ME3: variants seen among roughly 807,000 people sequenced by gnomAD.
The protein encoded by ME3 is malic enzyme 3, also known as NADP-dependent malic enzyme, mitochondrial.
Under a neutral mutation model 68.9 loss-of-function variants are expected in ME3, and 48 were observed. That is an observed-to-expected ratio of 0.70 (90% CI 0.55 to 0.89). The LOEUF (loss-of-function observed/expected upper bound fraction) is 0.89, where lower values mean the gene tolerates loss of function less well. ME3 is among the 40% of genes least tolerant of loss of function. The probability of loss-of-function intolerance (pLI) is 0.00; values close to 1 mark genes in which losing one functional copy is unlikely to be tolerated. For missense variants in ME3, 675 were observed against 797.4 expected (o/e 0.85, Z 1.85); for synonymous variants, 320 against 318.8 (o/e 1.00, Z -0.04).
In ME3 at chr11:86,660,302, G is replaced by C. The variant is rs141644108; in HGVS notation, c.183+11460C>G. On this transcript the variant is annotated intron_variant, in intron 2 of 14. Transcript: ENST00000543262. ...TGCTTTCAGGGGGCATGTACCAGAT[G>C]TAAACTCTATCACATCTGTGACTTC... Among the ~76,000 whole-genome samples the C allele has an allele frequency of 8.8e-3, 1,336 of 152,314 alleles. 25 individuals carry two copies. Among genetic ancestry groups the C allele is most frequent in the African/African-American group, 0.03 (1,249 of 41,558 alleles).
At chr11:86,647,902 G>A (rs1210233601) in intron 2 of ME3, among the ~76,000 whole-genome samples, 2 of 152,178 alleles carry the variant, frequency 1.3e-5, no homozygotes, top group East Asian at 3.8e-4. Flanking sequence ...TCTGCACCAA[G>A]TGGAGCTAAT....
At chr11:86,614,596 G>T (rs1365918927) in intron 2 of ME3, among the ~76,000 whole-genome samples, 1 of 152,040 alleles carries the variant, frequency 6.6e-6, no homozygotes, top group Non-Finnish European at 1.5e-5. Context: ...AAATTCCCAG[G>T]GTGGTGCCTT....
intron 2 of ME3, among the ~76,000 whole-genome samples, chr11:86,617,205 T>TA (rs150059307): frequency 0.069 from 10,464 of 151,454 alleles, 438 homozygotes; most frequent in East Asian, 0.14. Flanking sequence ...AGTATATACA[T>TA]AAAAAATTAC....
chr11:86,514,939 G>C (rs572250744), intron 4 of ME3, among the ~76,000 whole-genome samples: 4 of 152,172 alleles, frequency 2.6e-5, no homozygotes, highest in Admixed American at 1.3e-4. Flanking sequence ...TTGGCTCATA[G>C]TAAGTATTTG....
intron 2 of ME3, among the ~76,000 whole-genome samples, chr11:86,611,490 G>T (rs137878937): frequency 6.6e-6 from 1 of 151,052 alleles, no homozygotes. Context: ...ATGTTAATTC[G>T]CGTGATTGTG....
chr11:86,462,312 G>T (rs1008289254), intron 8 of ME3, among the ~76,000 whole-genome samples: 3 of 152,202 alleles, frequency 2.0e-5, no homozygotes, highest in Non-Finnish European at 2.9e-5. Context: ...GGTATGTCAT[G>T]CATACATAAA....
intron 8 of ME3, among the ~76,000 whole-genome samples, chr11:86,458,595 A>T (rs896556364): frequency 1.3e-5 from 2 of 152,174 alleles, no homozygotes; most frequent in Admixed American, 6.5e-5. Flanking sequence ...CTGGAAGTGA[A>T]GAACAGCCTC....
chr11:86,605,864 C>A (rs1222687209), intron 2 of ME3, among the ~76,000 whole-genome samples: 4 of 152,024 alleles, frequency 2.6e-5, no homozygotes, highest in African/African-American at 7.3e-5. Context: ...CCACTTTAAA[C>A]CCCTGCCTCC....
chr11:86,613,733 A>G (rs1942760635), intron 2 of ME3, among the ~76,000 whole-genome samples: 2 of 152,182 alleles, frequency 1.3e-5, no homozygotes, highest in African/African-American at 2.4e-5. Flanking sequence ...TACAAAGAGA[A>G]TAAAATACCT....
Position 86,630,977 on chromosome 11 carries a change from G to A in ME3, c.183+40785C>T, listed in dbSNP as rs182309199. 3.0e-3 allele frequency among the ~76,000 whole-genome samples: 455 copies of A among 152,336 alleles called. 2 individuals are homozygous for A. The highest frequency in any genetic ancestry group is 0.011 in the African/African-American group (442 of 41,568). Reference sequence around the variant, plus strand: ...TGGAAGTCTCATTTCCGATGGAGGCGGCAGGGATGGCAGGAAGGACATAAA... The same window carrying A: ...TGGAAGTCTCATTTCCGATGGAGGCAGCAGGGATGGCAGGAAGGACATAAA... On this transcript the variant is annotated intron_variant, in intron 2 of 14. Transcript: ENST00000543262.
rs117712607 is a variant in ME3 at position 86,659,855 on chromosome 11, A to C, written c.183+11907T>G. ...TAGATAGAGACATAGATGATAGCTG[A>C]ATGGATGGATGGACCAATCAATCGA... On this transcript the variant is annotated intron_variant, in intron 2 of 14. Transcript: ENST00000543262. 3.3e-5 allele frequency among the ~76,000 whole-genome samples: 5 copies of C among 152,334 alleles called. No homozygotes were observed. The East Asian group carries it at 7.7e-4, about 23-fold the overall frequency.
At chr11:86,638,127 G>A (rs1247411299) in intron 2 of ME3, among the ~76,000 whole-genome samples, 2 of 149,984 alleles carry the variant, frequency 1.3e-5, no homozygotes, top group South Asian at 2.1e-4. Context: ...TAGAAATGGT[G>A]TACCTCTGAC....
intron 4 of ME3, among the ~76,000 whole-genome samples, chr11:86,550,770 G>A (rs1385177585): frequency 2.6e-5 from 4 of 152,108 alleles, no homozygotes; most frequent in Non-Finnish European, 5.9e-5. Flanking sequence ...GGTTGGAACT[G>A]TGTTGTGATG....
At chr11:86,585,719 A>C (rs557846599) in intron 2 of ME3, among the ~76,000 whole-genome samples, 5 of 152,320 alleles carry the variant, frequency 3.3e-5, no homozygotes, top group Admixed American at 6.5e-5. Context: ...AAAGATGGCA[A>C]TTGAAACGAT....
chr11:86,501,940 T>C (rs1375701802), intron 5 of ME3, among the ~76,000 whole-genome samples: 1 of 152,220 alleles, frequency 6.6e-6, no homozygotes, highest in African/African-American at 2.4e-5. Flanking sequence ...ATTTCATTTT[T>C]TCTGAAGCAT....
intron 4 of ME3, among the ~76,000 whole-genome samples, chr11:86,510,271 G>C (rs1953418917): frequency 6.6e-6 from 1 of 152,088 alleles, no homozygotes; most frequent in Non-Finnish European, 1.5e-5. Context: ...ACACTCATCA[G>C]TCCCCATTTC....
At chr11:86,653,103 T>G (rs929668314) in intron 2 of ME3, among the ~76,000 whole-genome samples, 5 of 152,148 alleles carry the variant, frequency 3.3e-5, no homozygotes, top group South Asian at 2.1e-4. Flanking sequence ...AGCAAGTCCT[T>G]AGAGACCTAC....
At chr11:86,597,335 A>G (rs1409552401) in intron 2 of ME3, among the ~76,000 whole-genome samples, 1 of 152,244 alleles carries the variant, frequency 6.6e-6, no homozygotes, top group Non-Finnish European at 1.5e-5. Context: ...GCAATGTGAT[A>G]GAGACAGTTA....
chr11:86,597,393 T>C (rs1040872973), intron 2 of ME3, among the ~76,000 whole-genome samples: 9 of 152,248 alleles, frequency 5.9e-5, no homozygotes, highest in Non-Finnish European at 1.0e-4. Context: ...CCCTTGTAGC[T>C]GGACTGGGGC....
Sources: gnomAD v4.1 joint callset for allele counts (sites outside exome capture counted in the v4.1 genomes callset) on GRCh38, gnomAD v4.1.1 for gene constraint, MANE v1.5 for transcripts, NCBI Gene and HGNC (gene_info 2026-07-23, HGNC 2026-07-21) for gene names.